The following DLG2 variants were observed in gnomAD, a reference collection of about 807,000 sequenced individuals.
DLG2 encodes the protein disks large homolog 2.
A neutral mutation model predicts 132.5 loss-of-function variants in DLG2; 45 were observed. That is an observed-to-expected ratio of 0.34 (90% CI 0.27 to 0.44). DLG2 has a LOEUF of 0.44. Ranked by LOEUF, DLG2 falls within the 20% of genes least tolerant of loss-of-function variation. The pLI, the probability that DLG2 is intolerant of heterozygous loss-of-function variation, is 1.00. For synonymous variants in DLG2, 424 were observed against 419.6 expected (o/e 1.01, Z -0.13); for missense variants, 1,045 against 1,196.9 (o/e 0.87, Z 1.87).
chr11:85,127,162 C>T (rs941579884), intron 5 of DLG2, among the ~76,000 whole-genome samples: 2 of 151,996 alleles, frequency 1.3e-5, no homozygotes, highest in African/African-American at 4.8e-5. Flanking sequence ...TATCTTGTTA[C>T]TCATATTGGA....
At chr11:85,132,619 C>A (rs2075810761) in intron 5 of DLG2, 1 of 401,600 alleles carries the variant, frequency 2.5e-6, no homozygotes, top group Middle Eastern at 4.2e-4. Flanking sequence ...ACCCCCCAGA[C>A]CCTCAGGGAA....
At chr11:85,512,279 C>T (rs767673413) in intron 3 of DLG2, among the ~76,000 whole-genome samples, 1 of 152,212 alleles carries the variant, frequency 6.6e-6, no homozygotes, top group East Asian at 1.9e-4. Context: ...CTAAGGGGTT[C>T]TCATCATTCC....
At chr11:84,067,288 C>T (rs182660338) in intron 10 of DLG2, among the ~76,000 whole-genome samples, 12 of 152,138 alleles carry the variant, frequency 7.9e-5, no homozygotes, top group African/African-American at 2.4e-4. Flanking sequence ...GAGCCAAGAC[C>T]GCGCCACTGC....
chr11:83,982,476 C>T (rs371387666), intron 11 of DLG2, among the ~76,000 whole-genome samples: 16 of 67,092 alleles, frequency 2.4e-4, no homozygotes, highest in Non-Finnish European at 4.1e-4. Context: ...AAAAGTTTAA[C>T]GTGTAAAAAA....
intron 13 of DLG2, among the ~76,000 whole-genome samples, chr11:83,964,145 T>C (rs1275754140): frequency 6.6e-6 from 1 of 151,972 alleles, no homozygotes; most frequent in Non-Finnish European, 1.5e-5. Context: ...CAATACTTAT[T>C]TGTTAGGTTT....
rs187162273 is a variant in DLG2 at position 84,869,951 on chromosome 11, G to T, written c.357+241710C>A. Among the ~76,000 whole-genome samples the T allele has an allele frequency of 3.7e-4, 56 of 152,300 alleles. No individual in the cohort carries two copies. In the East Asian group the frequency reaches 9.6e-3, roughly 26 times the overall value. On this transcript the variant is annotated intron_variant, in intron 6 of 27. Transcript: ENST00000376104. ...GCAGAAAATATGTTTTTGGAAAAAT[G>T]CCAGTGGAGATGTACATGTGTCAGC...
At chr11:85,478,020 T>C (rs1334396932) in intron 3 of DLG2, among the ~76,000 whole-genome samples, 1 of 152,008 alleles carries the variant, frequency 6.6e-6, no homozygotes, top group Admixed American at 6.6e-5. Flanking sequence ...CACTTTTTTT[T>C]TTTTAAGAGA....
At chr11:83,481,832 G>A (rs530725865) in intron 22 of DLG2, among the ~76,000 whole-genome samples, 11 of 152,104 alleles carry the variant, frequency 7.2e-5, no homozygotes, top group Middle Eastern at 3.4e-3. Context: ...TTGTTGTTGC[G>A]AAGTTTTACT....
chr11:84,510,854 G>A (rs114539929), intron 7 of DLG2, among the ~76,000 whole-genome samples: 2,098 of 152,020 alleles, frequency 0.014, 60 homozygotes, highest in African/African-American at 0.049. Context: ...TTTAGGAGTG[G>A]AGGAGCAGAG....
At chr11:83,826,018 C>A (rs2052655045) in intron 17 of DLG2, among the ~76,000 whole-genome samples, 1 of 152,122 alleles carries the variant, frequency 6.6e-6, no homozygotes, top group African/African-American at 2.4e-5. Context: ...TCCAGGCAGG[C>A]AGGGGCCAGA....
At chr11:83,483,484 G>A (rs1471930238) in intron 22 of DLG2, among the ~76,000 whole-genome samples, 2 of 152,066 alleles carry the variant, frequency 1.3e-5, no homozygotes, top group African/African-American at 4.8e-5. Context: ...GATTCAAGAA[G>A]GAAATTTCTG....
At chr11:83,927,051 G>A (rs534219853) in intron 15 of DLG2, among the ~76,000 whole-genome samples, 1 of 152,242 alleles carries the variant, frequency 6.6e-6, no homozygotes, top group South Asian at 2.1e-4. Flanking sequence ...TCTATGCATG[G>A]ATTCATTCAT....
At chr11:84,505,971 T>G (rs1184232715) in intron 7 of DLG2, among the ~76,000 whole-genome samples, 1 of 152,086 alleles carries the variant, frequency 6.6e-6, no homozygotes, top group African/African-American at 2.4e-5. Flanking sequence ...CTGTGTTACC[T>G]TATATGACAG....
intron 10 of DLG2, among the ~76,000 whole-genome samples, chr11:84,082,013 T>C (rs144115271): frequency 0.01 from 1,559 of 152,290 alleles, 15 homozygotes; most frequent in African/African-American, 0.036. Context: ...ATGATCTCCT[T>C]TCTAACTGGT....
chr11:84,725,162 G>A (rs752586013), intron 6 of DLG2, among the ~76,000 whole-genome samples: 1 of 151,976 alleles, frequency 6.6e-6, no homozygotes, highest in Non-Finnish European at 1.5e-5. Context: ...CCTGATTTGA[G>A]GATCTAAGGT....
At chr11:85,281,618 T>C (rs1319073350) in intron 4 of DLG2, among the ~76,000 whole-genome samples, 1 of 151,972 alleles carries the variant, frequency 6.6e-6, no homozygotes, top group Non-Finnish European at 1.5e-5. Context: ...GTAAAATCTT[T>C]CCAATAGCCT....
At chr11:84,816,058 C>G (rs2077055727) in intron 6 of DLG2, among the ~76,000 whole-genome samples, 1 of 152,028 alleles carries the variant, frequency 6.6e-6, no homozygotes, top group African/African-American at 2.4e-5. Flanking sequence ...TAACACATCT[C>G]AACAGTTATA....
At chr11:84,922,183 A>G (rs1767420088) in intron 6 of DLG2, among the ~76,000 whole-genome samples, 2 of 152,306 alleles carry the variant, frequency 1.3e-5, no homozygotes, top group Admixed American at 6.5e-5. Flanking sequence ...TTTAAAAAAA[A>G]AAAAAAAAGA....
At chr11:85,149,777 C>T (rs2077103450) in intron 5 of DLG2, among the ~76,000 whole-genome samples, 2 of 151,904 alleles carry the variant, frequency 1.3e-5, no homozygotes, top group Admixed American at 1.3e-4. Flanking sequence ...TGAGACTTAA[C>T]AAAATTCAAA....
Sources: allele counts gnomAD v4.1 joint callset (sites outside exome capture counted in the v4.1 genomes callset), GRCh38; gene constraint gnomAD v4.1.1; transcripts MANE v1.5; gene names NCBI Gene and HGNC (gene_info 2026-07-23, HGNC 2026-07-21).